The following TSHZ2 variants were observed in gnomAD, a reference collection of about 807,000 sequenced individuals.
TSHZ2 encodes teashirt homolog 2.
In TSHZ2, 21 loss-of-function variants were observed where a neutral mutation model predicts 74.4. The observed-to-expected ratio is 0.28, with a 90% confidence interval of 0.20 to 0.41. TSHZ2 has a LOEUF of 0.41. Ranked by LOEUF, TSHZ2 falls within the 10% of genes least tolerant of loss-of-function variation. TSHZ2 has a pLI of 1.00. For missense variants in TSHZ2, 1,244 were observed against 1,293.5 expected (o/e 0.96, Z 0.59); for synonymous variants, 540 against 515.3 (o/e 1.05, Z -0.65).
rs117856675 is a variant in TSHZ2 at position 53,028,732 on chromosome 20, A to G, written c.40+55399A>G. Among the ~76,000 whole-genome samples the G allele has an allele frequency of 1.0e-3, 157 of 152,222 alleles. 2 individuals carry two copies. The East Asian group carries it at 0.028, about 27-fold the overall frequency. ...TGGGAATAACTTTTTCACACTTTAC[A>G]TGTTCCAGGAAGGACTTGGTGGTGA... On this transcript the variant is annotated intron_variant, in intron 1 of 2. Transcript: ENST00000371497.
chr20:53,416,417 T>G (rs1449645779), intron 2 of TSHZ2, among the ~76,000 whole-genome samples: 1 of 152,190 alleles, frequency 6.6e-6, no homozygotes, highest in East Asian at 1.9e-4. Flanking sequence ...CACTTGTTAG[T>G]TTTCCCACAG....
intron 1 of TSHZ2, among the ~76,000 whole-genome samples, chr20:53,036,753 T>C (rs1983836258): frequency 6.8e-6 from 1 of 148,022 alleles, no homozygotes; most frequent in South Asian, 2.1e-4. Context: ...TATAATTATA[T>C]ATATTACATA....
intron 1 of TSHZ2, among the ~76,000 whole-genome samples, chr20:53,170,202 G>A (rs1600722385): frequency 6.6e-6 from 1 of 152,162 alleles, no homozygotes; most frequent in Non-Finnish European, 1.5e-5. Flanking sequence ...CTTTTCTAGG[G>A]CTATGCTGCT....
chr20:53,159,181 C>CAAAGTTCAT (rs1987867662), intron 1 of TSHZ2, among the ~76,000 whole-genome samples: 1 of 152,104 alleles, frequency 6.6e-6, no homozygotes, highest in South Asian at 2.1e-4. Flanking sequence ...ATTGATGTGC[C>CAAAGTTCAT]AAAGTTCATA....
intron 2 of TSHZ2, among the ~76,000 whole-genome samples, chr20:53,272,013 G>GAT (rs1990850325): frequency 6.6e-6 from 1 of 151,372 alleles, no homozygotes; most frequent in Non-Finnish European, 1.5e-5. Flanking sequence ...TGGAGAAGTG[G>GAT]ATTTTTTTTT....
chr20:53,418,772 A>G (rs973993202), intron 2 of TSHZ2, among the ~76,000 whole-genome samples: 3 of 152,192 alleles, frequency 2.0e-5, no homozygotes, highest in Admixed American at 6.5e-5. Context: ...CAGGTTCTCA[A>G]TAAGATCAAC....
chr20:53,010,727 A>G (rs1307818108), intron 1 of TSHZ2, among the ~76,000 whole-genome samples: 1 of 152,230 alleles, frequency 6.6e-6, no homozygotes, highest in East Asian at 1.9e-4. Flanking sequence ...ATGTAGAGTG[A>G]AACAACTTTA....
intron 2 of TSHZ2, among the ~76,000 whole-genome samples, chr20:53,279,165 T>C (rs1223493145): frequency 6.6e-6 from 1 of 152,126 alleles, no homozygotes; most frequent in South Asian, 2.1e-4. Context: ...AAGAAGTAAG[T>C]AGAGGGGTTG....
chr20:52,991,831 G>T (rs949645946), intron 1 of TSHZ2, among the ~76,000 whole-genome samples: 1 of 151,094 alleles, frequency 6.6e-6, no homozygotes, highest in African/African-American at 2.4e-5. Flanking sequence ...AGCTTTTCTG[G>T]TGCATGATTT....
chr20:53,109,035 C>T (rs965229917), intron 1 of TSHZ2, among the ~76,000 whole-genome samples: 1 of 152,216 alleles, frequency 6.6e-6, no homozygotes, highest in East Asian at 1.9e-4. Context: ...TCCAAATGGA[C>T]CTCTTGAATT....
rs141340871 is a variant in TSHZ2 at position 53,043,738 on chromosome 20, C to T, written c.40+70405C>T. 3.4e-3 allele frequency among the ~76,000 whole-genome samples: 509 copies of T among 151,854 alleles called. 9 individuals are homozygous for T. The highest frequency in any genetic ancestry group is 6.0e-4 in the Non-Finnish European group (41 of 67,986). On this transcript the variant is annotated intron_variant, in intron 1 of 2. Coordinates refer to ENST00000371497, the MANE Select transcript of TSHZ2 (RefSeq NM_173485.6). ...GATTTGTATATATTTATCTTTCAGT[C>T]TCAAAGATAGGCAATCTTATAATAT...
chr20:53,200,326 C>G (rs1988971799), intron 1 of TSHZ2, among the ~76,000 whole-genome samples: 1 of 152,166 alleles, frequency 6.6e-6, no homozygotes, highest in Middle Eastern at 3.4e-3. Context: ...GTGCAAGGGC[C>G]CTGAGGTGAG....
At chr20:53,094,285 GTT>G (rs1344806272) in intron 1 of TSHZ2, among the ~76,000 whole-genome samples, 1 of 152,044 alleles carries the variant, frequency 6.6e-6, no homozygotes, top group Non-Finnish European at 1.5e-5. Flanking sequence ...CGCTAGTTAT[GTT>G]TTTGTTTTCA....
At chr20:53,170,300 C>A (rs1299896) in intron 1 of TSHZ2, among the ~76,000 whole-genome samples, 66,679 of 152,090 alleles carry the variant, frequency 0.44, 16,677 homozygotes, top group African/African-American at 0.7. Context: ...GCTAAGAAGC[C>A]GTAGACTGCA....
chr20:53,237,031 T>C (rs1243646218), intron 1 of TSHZ2, among the ~76,000 whole-genome samples: 2 of 152,214 alleles, frequency 1.3e-5, no homozygotes, highest in Admixed American at 1.3e-4. Flanking sequence ...GAAAGTTGTT[T>C]GACTTCTGGA....
chr20:53,107,974 G>T (rs551533137), intron 1 of TSHZ2, among the ~76,000 whole-genome samples: 21 of 152,300 alleles, frequency 1.4e-4, no homozygotes, highest in Admixed American at 1.2e-3. Context: ...GGTAAGATTT[G>T]TTATTTGTCA....
chr20:53,255,406 C>G lies in TSHZ2; in HGVS notation c.1948C>G (p.Pro650Ala). Residue 650 changes from proline (P) to alanine (A), a missense_variant, in exon 2 of 3, where the codon CCC becomes GCC. By Grantham distance (27) the Pro-to-Ala change is conservative (BLOSUM62 -1). Transcript: ENST00000371497. The surrounding 1 kb of genome is among the most constrained non-coding windows in gnomAD (Gnocchi z 4.1). ...AGAAGCCAAAAAGACCGAGCTGGGT[C>G]CCCTGAAGGAGGAGGAGAAGCTGAT... is the stretch of plus-strand genomic sequence containing the variant. ...PPEAKKTELG[P>A]LKEEEKLMKE... 3 of 1,613,680 alleles carry G rather than the reference C, an allele frequency of 1.9e-6. No individual in the cohort carries two copies. The highest frequency in any genetic ancestry group is 1.1e-5 in the South Asian group (1 of 91,080).
Position 53,211,327 on chromosome 20 carries a change from A to G in TSHZ2, c.41-42172A>G, listed in dbSNP as rs893297235. ...TTTGTGTGAAACAAAGCAAAGCAAA[A>G]CAAGAGGTCCATAGATGCCTCCACT... On this transcript the variant is annotated intron_variant, in intron 1 of 2. Coordinates refer to ENST00000371497, the MANE Select transcript of TSHZ2 (RefSeq NM_173485.6). Among the ~76,000 whole-genome samples the G allele has an allele frequency of 1.2e-4, 18 of 152,316 alleles. 1 individual carries two copies. The highest frequency in any genetic ancestry group is 7.2e-4 in the Admixed American group (11 of 15,298).
At chr20:53,135,125 T>C (rs1174105359) in intron 1 of TSHZ2, among the ~76,000 whole-genome samples, 1 of 152,186 alleles carries the variant, frequency 6.6e-6, no homozygotes, top group African/African-American at 2.4e-5. Flanking sequence ...AATTTGTGTC[T>C]GGTTGCTTTT....
Sources: gnomAD v4.1 joint callset for allele counts (sites outside exome capture counted in the v4.1 genomes callset) on GRCh38, gnomAD v4.1.1 for gene constraint, Gnocchi (gnomAD v3.1) non-coding constraint, MANE v1.5 for transcripts, NCBI Gene and HGNC (gene_info 2026-07-23, HGNC 2026-07-21) for gene names.